MYO1H: variants seen among roughly 807,000 people sequenced by gnomAD.
The protein encoded by MYO1H is myosin IH.
Under a neutral mutation model 149.3 loss-of-function variants are expected in MYO1H, and 118 were observed. The observed-to-expected ratio is 0.79, with a 90% confidence interval of 0.68 to 0.92. The LOEUF (loss-of-function observed/expected upper bound fraction) is 0.92. Ranked by LOEUF, MYO1H falls within the 40% of genes least tolerant of loss-of-function variation. The pLI, the probability that MYO1H is intolerant of heterozygous loss-of-function variation, is 0.00. For missense variants in MYO1H, 1,212 were observed against 1,280.7 expected (o/e 0.95, Z 0.82); for synonymous variants, 447 against 465.2 (o/e 0.96, Z 0.50).
At chr12:109,447,370 G>A (rs1872529101) in exon 32 of MYO1H, 1 of 629,686 alleles carries the variant, frequency 1.6e-6, no homozygotes, top group Admixed American at 2.7e-5. Flanking sequence ...GCTGCCCCAT[G>A]GCACCTTATT....
At chr12:109,381,698 T>G (rs1038242034) in intron 1 of MYO1H, among the ~76,000 whole-genome samples, 2 of 152,098 alleles carry the variant, frequency 1.3e-5, no homozygotes, top group African/African-American at 4.8e-5. Flanking sequence ...CCCAGCTACT[T>G]GGTTCATGCC....
At chr12:109,330,364 C>T in the MYO1H span, among the ~76,000 whole-genome samples, 6 of 152,132 alleles carry the variant, frequency 3.9e-5, no homozygotes, top group Admixed American at 1.3e-4. Flanking sequence ...ATGATACTGT[C>T]GTTATTATAA....
At chr12:109,388,629 G>T (rs922626955) in intron 1 of MYO1H, 54 bp from the exon 2 acceptor site, 60 of 1,457,592 alleles carry the variant, frequency 4.1e-5, no homozygotes, top group Non-Finnish European at 5.4e-5. Flanking sequence ...CATTAGACGT[G>T]TAATAGATAT....
upstream of MYO1H, among the ~76,000 whole-genome samples, chr12:109,346,636 C>T (rs78679839): frequency 4.0e-5 from 6 of 151,860 alleles, no homozygotes; most frequent in East Asian, 1.2e-3. Flanking sequence ...TGGCGGGTGC[C>T]TTGTAATCCC....
rs116196086 is a variant in MYO1H at position 109,432,463 on chromosome 12, G to C, written c.1950-434G>C. Among the ~76,000 whole-genome samples, 114 of 152,320 alleles carry C rather than the reference G, an allele frequency of 7.5e-4. 1 individual carries two copies. The highest frequency in any genetic ancestry group is 2.5e-3 in the African/African-American group (105 of 41,572). On this transcript the variant is annotated intron_variant, in intron 19 of 31. Coordinates refer to ENST00000310903, the Ensembl canonical transcript of MYO1H. ...TTTCTTCTGGTACTAGACTATGTTT[G>C]TTTGTCTGTTCAGTTTTCTGTCGAT...
At chr12:109,338,172 G>C in the MYO1H span, among the ~76,000 whole-genome samples, 1 of 152,110 alleles carries the variant, frequency 6.6e-6, no homozygotes, top group African/African-American at 2.4e-5. Flanking sequence ...GAGCTCAAGC[G>C]ATCCTCCTGC....
intron 19 of MYO1H, among the ~76,000 whole-genome samples, chr12:109,429,586 AT>A (rs1171489551): frequency 1.3e-5 from 2 of 152,162 alleles, no homozygotes; most frequent in Non-Finnish European, 2.9e-5. Flanking sequence ...ACACTATGCC[AT>A]TTTTTATTAG....
the MYO1H span, among the ~76,000 whole-genome samples, chr12:109,334,807 C>A: frequency 2.6e-5 from 4 of 152,028 alleles, no homozygotes; most frequent in Admixed American, 1.3e-4. Flanking sequence ...TAAAACTTGC[C>A]CTTTTAAAAT....
intron 26 of MYO1H, among the ~76,000 whole-genome samples, chr12:109,442,005 C>G (rs770007638): frequency 3.3e-5 from 5 of 152,100 alleles, no homozygotes; most frequent in Non-Finnish European, 5.9e-5. Flanking sequence ...CGAGATCATG[C>G]CACTGCACTC....
At chr12:109,409,687 T>G in intron 11 of MYO1H, 63 bp downstream of exon 11, 4 of 1,329,236 alleles carry the variant, frequency 3.0e-6, no homozygotes, top group Non-Finnish European at 4.3e-6. Context: ...AGTCGAGATT[T>G]AAATCTTTCG....
chr12:109,322,817 C>T, the MYO1H span, among the ~76,000 whole-genome samples: 1 of 76,400 alleles, frequency 1.3e-5, no homozygotes, highest in Middle Eastern at 9.6e-3. Context: ...GAGACTCCGT[C>T]TCAAAAAAAA....
At position 109,406,864 on chromosome 12, in the gene MYO1H, A is replaced by G. The variant is rs1407490929; in HGVS notation, c.1035+4A>G. On this transcript the variant is annotated splice_donor_region_variant and intron_variant, in intron 9 of 31. Transcript: ENST00000310903. ...AATTGAAGCCAAAACTGAGGAGGTA[A>G]AAATGGCTATAGGTGGAAATGTGCC... 1.2e-6 allele frequency: 2 copies of G among 1,613,512 alleles called. No homozygotes were observed. Among genetic ancestry groups the G allele is most frequent in the South Asian group, 2.2e-5 (2 of 91,066 alleles).
At chr12:109,434,166 C>T (rs1441450643) in intron 20 of MYO1H, among the ~76,000 whole-genome samples, 3 of 152,132 alleles carry the variant, frequency 2.0e-5, no homozygotes, top group African/African-American at 4.8e-5. Context: ...CACACTACCA[C>T]AATGGGCTAA....
intron 1 of MYO1H, among the ~76,000 whole-genome samples, chr12:109,384,665 G>A (rs1218243035): frequency 6.6e-6 from 1 of 152,210 alleles, no homozygotes; most frequent in Admixed American, 6.5e-5. Flanking sequence ...AATGGAGTCT[G>A]CTTTGACCCT....
the MYO1H span, among the ~76,000 whole-genome samples, chr12:109,326,597 C>T: frequency 6.6e-6 from 1 of 151,826 alleles, no homozygotes; most frequent in African/African-American, 2.4e-5. Flanking sequence ...TCTTGGCTCA[C>T]TGCAACCTCC....
chr12:109,346,220 G>C (rs922657032), upstream of MYO1H, among the ~76,000 whole-genome samples: 2 of 152,066 alleles, frequency 1.3e-5, no homozygotes, highest in Non-Finnish European at 2.9e-5. Flanking sequence ...CATTCTACTA[G>C]GTATTATAAG....
chr12:109,338,658 C>T, the MYO1H span, among the ~76,000 whole-genome samples: 1 of 150,502 alleles, frequency 6.6e-6, no homozygotes, highest in Non-Finnish European at 1.5e-5. Flanking sequence ...ATCCCAGCTA[C>T]TCGGGAGGCT....
chr12:109,375,123 G>C (rs928080824), intron 1 of MYO1H, among the ~76,000 whole-genome samples: 1 of 149,470 alleles, frequency 6.7e-6, no homozygotes, highest in Admixed American at 6.7e-5. Context: ...CCAAAGTGCT[G>C]GGATTACAGG....
chr12:109,447,189 A>ATGACGTC (rs1382937502), exon 32 of MYO1H: 1 of 1,594,542 alleles, frequency 6.3e-7, no homozygotes, highest in African/African-American at 1.3e-5. Flanking sequence ...CTGATAGAGG[A>ATGACGTC]TGACGTCTGA....
Sources: allele counts gnomAD v4.1 joint callset (sites outside exome capture counted in the v4.1 genomes callset), GRCh38; gene constraint gnomAD v4.1.1; transcripts MANE v1.5; gene names NCBI Gene and HGNC (gene_info 2026-07-23, HGNC 2026-07-21).